The following RAB27B variants were observed in gnomAD, a reference collection of about 807,000 sequenced individuals.
RAB27B encodes ras-related protein Rab-27B.
A neutral mutation model predicts 24.6 loss-of-function variants in RAB27B; 15 were observed. That is an observed-to-expected ratio of 0.61 (90% CI 0.41 to 0.94). The LOEUF (loss-of-function observed/expected upper bound fraction) is 0.94, where lower values mean the gene tolerates loss of function less well. Ranked by LOEUF, RAB27B falls within the 40% of genes least tolerant of loss-of-function variation. The pLI is 0.00. For synonymous variants in RAB27B, 105 were observed against 92.5 expected, an observed-to-expected ratio of 1.14 and a Z score of -0.78; for missense variants, 261 against 266.8, an observed-to-expected ratio of 0.98 and a Z score of 0.15.
chr18:54,824,521 T>C (rs1481671398), upstream of RAB27B, among the ~76,000 whole-genome samples: 1 of 152,216 alleles, frequency 6.6e-6, no homozygotes, highest in Non-Finnish European at 1.5e-5. Flanking sequence ...TTTCATGTCT[T>C]CTAGGGGCTT....
intron 2 of RAB27B, among the ~76,000 whole-genome samples, chr18:54,752,652 G>T (rs554170147): frequency 6.6e-6 from 1 of 152,296 alleles, no homozygotes; most frequent in South Asian, 2.1e-4. Context: ...CCTGTGGAAG[G>T]TAGGCAATTG....
chr18:54,884,150 A>T (rs1913035782), intron 3 of RAB27B, among the ~76,000 whole-genome samples, 183 bp from the exon 4 acceptor site: 1 of 152,038 alleles, frequency 6.6e-6, no homozygotes, highest in African/African-American at 2.4e-5. Context: ...AAAAAAAAAA[A>T]CTACAACCAA....
At chr18:54,757,317 G>A (rs1908036873) in intron 2 of RAB27B, among the ~76,000 whole-genome samples, 1 of 152,138 alleles carries the variant, frequency 6.6e-6, no homozygotes, top group South Asian at 2.1e-4. Context: ...GAGCTCTTGA[G>A]GGCTCAGGAA....
At chr18:54,874,097 A>G (rs1049204161) in intron 1 of RAB27B, among the ~76,000 whole-genome samples, 2 of 152,214 alleles carry the variant, frequency 1.3e-5, no homozygotes, top group Non-Finnish European at 2.9e-5. Context: ...AAGACAGAGA[A>G]CAGTCTGGCT....
chr18:54,747,135 C>G lies in RAB27B; in HGVS notation c.-20+28994C>G, dbSNP rs548878070. On this transcript the variant is annotated intron_variant, in intron 2 of 4. Transcript: ENST00000586570. ...TTTGGCTTTGTTACACCCCAGCCTACTCTCCATAGAGCAGGACCTCCTCCC... is the reference window on the plus strand; with the variant it reads ...TTTGGCTTTGTTACACCCCAGCCTAGTCTCCATAGAGCAGGACCTCCTCCC... 2.8e-4 allele frequency among the ~76,000 whole-genome samples: 43 copies of G among 152,282 alleles called. 1 individual carries two copies. The highest frequency in any genetic ancestry group is 5.0e-4 in the Non-Finnish European group (34 of 68,020).
At chr18:54,742,174 G>A (rs1910092392) in intron 2 of RAB27B, among the ~76,000 whole-genome samples, 1 of 152,196 alleles carries the variant, frequency 6.6e-6, no homozygotes, top group African/African-American at 2.4e-5. Context: ...TAAGGCAATT[G>A]TTTGCAAAAT....
At chr18:54,839,679 G>C (rs1911033276) in intron 1 of RAB27B, among the ~76,000 whole-genome samples, 1 of 152,152 alleles carries the variant, frequency 6.6e-6, no homozygotes, top group Non-Finnish European at 1.5e-5. Context: ...GATGCTGAGA[G>C]TATACCTAAA....
chr18:54,771,138 G>T (rs1470017163), intron 2 of RAB27B, among the ~76,000 whole-genome samples: 1 of 152,138 alleles, frequency 6.6e-6, no homozygotes, highest in Non-Finnish European at 1.5e-5. Context: ...TCCAGAAAAT[G>T]CTGACTTCTG....
At chr18:54,730,189 C>T (rs1003847284) in intron 2 of RAB27B, among the ~76,000 whole-genome samples, 6 of 152,270 alleles carry the variant, frequency 3.9e-5, no homozygotes, top group African/African-American at 9.6e-5. Context: ...TAGTCTGTCA[C>T]GTACATCACT....
intron 2 of RAB27B, among the ~76,000 whole-genome samples, chr18:54,737,161 G>A (rs1432477323): frequency 1.3e-5 from 2 of 152,102 alleles, no homozygotes; most frequent in Non-Finnish European, 2.9e-5. Flanking sequence ...TTTCCACAAA[G>A]GTCAGTTTCG....
chr18:54,786,920 C>A (rs1220932954), intron 2 of RAB27B, among the ~76,000 whole-genome samples: 1 of 152,230 alleles, frequency 6.6e-6, no homozygotes, highest in Non-Finnish European at 1.5e-5. Flanking sequence ...GCACATCACT[C>A]TGCATGAGCA....
chr18:54,846,625 T>C (rs1911349948), intron 1 of RAB27B, among the ~76,000 whole-genome samples: 1 of 152,292 alleles, frequency 6.6e-6, no homozygotes, highest in African/African-American at 2.4e-5. Context: ...GCCAAAAAAC[T>C]GACCTCTGAG....
At chr18:54,807,477 G>A (rs1380175602) in intron 2 of RAB27B, among the ~76,000 whole-genome samples, 11 of 152,110 alleles carry the variant, frequency 7.2e-5, no homozygotes, top group Non-Finnish European at 1.3e-4. Flanking sequence ...GGAACTTGGA[G>A]CTTTACAGGA....
intron 2 of RAB27B, among the ~76,000 whole-genome samples, chr18:54,793,313 C>T (rs756581542): frequency 6.6e-6 from 1 of 152,070 alleles, no homozygotes; most frequent in African/African-American, 2.4e-5. Flanking sequence ...ACTAGCAAAC[C>T]GACTTAGGGA....
At chr18:54,796,270 A>C (rs1909415512) in intron 2 of RAB27B, among the ~76,000 whole-genome samples, 1 of 152,128 alleles carries the variant, frequency 6.6e-6, no homozygotes, top group Non-Finnish European at 1.5e-5. Flanking sequence ...CTGAAGTCCA[A>C]GTGGGCATGC....
At chr18:54,773,121 C>A (rs756552870) in intron 2 of RAB27B, among the ~76,000 whole-genome samples, 1 of 151,892 alleles carries the variant, frequency 6.6e-6, no homozygotes, top group African/African-American at 2.4e-5. Flanking sequence ...ATATTTCTGT[C>A]CTGAATTTAA....
chr18:54,736,878 T>C (rs1909913712), intron 2 of RAB27B, among the ~76,000 whole-genome samples: 1 of 152,074 alleles, frequency 6.6e-6, no homozygotes, highest in African/African-American at 2.4e-5. Context: ...TTTGAACAAA[T>C]AAGCTATGTT....
chr18:54,754,361 A>G (rs1218010785), intron 2 of RAB27B, among the ~76,000 whole-genome samples: 1 of 152,096 alleles, frequency 6.6e-6, no homozygotes, highest in Non-Finnish European at 1.5e-5. Context: ...TTTCTTTTAT[A>G]AATTTTCCAG....
chr18:54,838,226 A>G (rs1039133835), intron 1 of RAB27B, among the ~76,000 whole-genome samples: 10 of 152,162 alleles, frequency 6.6e-5, no homozygotes, highest in African/African-American at 2.2e-4. Flanking sequence ...TTACAGAATA[A>G]TTGTCTAGTA....
Sources: allele counts gnomAD v4.1 joint callset (sites outside exome capture counted in the v4.1 genomes callset), GRCh38; gene constraint gnomAD v4.1.1; transcripts MANE v1.5; gene names NCBI Gene and HGNC (gene_info 2026-07-23, HGNC 2026-07-21).